ZBTB20: variants seen among roughly 807,000 people sequenced by gnomAD.
ZBTB20 encodes zinc finger and BTB domain containing 20, also known as zinc finger and BTB domain-containing protein 20.
A neutral mutation model predicts 56.9 loss-of-function variants in ZBTB20; 9 were observed. That is an observed-to-expected ratio of 0.16 (90% confidence interval 0.10 to 0.28). ZBTB20 has a LOEUF of 0.28. Among genes scored for constraint, ZBTB20 ranks in the 10% least tolerant of loss-of-function variants. ZBTB20 has a pLI of 1.00. For missense variants in ZBTB20, 655 were observed against 1,003.0 expected (o/e 0.65, Z 4.69); for synonymous variants, 417 against 420.7 (o/e 0.99, Z 0.11).
intron 2 of ZBTB20, among the ~76,000 whole-genome samples, chr3:115,065,590 C>T (rs544019592): frequency 2.0e-5 from 3 of 152,112 alleles, no homozygotes; most frequent in African/African-American, 4.8e-5. Context: ...TGTTCAATCA[C>T]GAAGTTTAAC....
intron 4 of ZBTB20, among the ~76,000 whole-genome samples, chr3:114,885,682 TTAAC>T (rs1169661278): frequency 1.3e-5 from 2 of 152,218 alleles, no homozygotes; most frequent in Admixed American, 1.3e-4. Context: ...ATTTTCACAT[TTAAC>T]TATATTATCA....
At chr3:114,966,759 C>CAT (rs10646908) in intron 3 of ZBTB20, among the ~76,000 whole-genome samples, 19,681 of 151,918 alleles carry the variant, frequency 0.13, 2,846 homozygotes, top group African/African-American at 0.36. Flanking sequence ...CTGTTAAAAA[C>CAT]AAGCCACTCA....
intron 4 of ZBTB20, among the ~76,000 whole-genome samples, chr3:114,893,317 T>C (rs1047953265): frequency 1.3e-5 from 2 of 152,188 alleles, no homozygotes; most frequent in African/African-American, 4.8e-5. Flanking sequence ...CTCCAGCTAA[T>C]CAATTTTTTA....
At chr3:115,136,158 A>T (rs2084647444) in intron 1 of ZBTB20, among the ~76,000 whole-genome samples, 2 of 152,136 alleles carry the variant, frequency 1.3e-5, no homozygotes, top group South Asian at 4.1e-4. Context: ...TGGTAAATGT[A>T]ATTTTATTGG....
At chr3:114,613,627 C>A (rs1250609853) in intron 6 of ZBTB20, among the ~76,000 whole-genome samples, 1 of 152,092 alleles carries the variant, frequency 6.6e-6, no homozygotes, top group Non-Finnish European at 1.5e-5. Context: ...AAAGTAAACT[C>A]AGTACCAAGC....
At chr3:114,716,989 A>G (rs1234117105) in intron 5 of ZBTB20, among the ~76,000 whole-genome samples, 3 of 152,118 alleles carry the variant, frequency 2.0e-5, no homozygotes, top group African/African-American at 7.2e-5. Context: ...ACAAAAGGCT[A>G]CAGGGGAGGT....
intron 2 of ZBTB20, among the ~76,000 whole-genome samples, chr3:115,027,924 T>C (rs1306789416): frequency 6.6e-6 from 1 of 150,840 alleles, no homozygotes; most frequent in Non-Finnish European, 1.5e-5. Context: ...TTTTCAAAAA[T>C]TGATAGATAA....
At chr3:114,417,215 T>G (rs2088654309) in intron 7 of ZBTB20, among the ~76,000 whole-genome samples, 1 of 152,108 alleles carries the variant, frequency 6.6e-6, no homozygotes, top group African/African-American at 2.4e-5. Flanking sequence ...AAGTAAGTAA[T>G]TAGTTCATAA....
chr3:114,729,679 G>A (rs2065580528), intron 5 of ZBTB20, among the ~76,000 whole-genome samples: 1 of 152,058 alleles, frequency 6.6e-6, no homozygotes, highest in South Asian at 2.1e-4. Context: ...TTAAATTTTT[G>A]AATACTAAAG....
chr3:114,647,610 G>A (rs543093116), intron 6 of ZBTB20, among the ~76,000 whole-genome samples: 1 of 152,166 alleles, frequency 6.6e-6, no homozygotes, highest in Admixed American at 6.5e-5. Flanking sequence ...TTTATTATTG[G>A]TGTGATCTTG....
At chr3:114,467,052 A>G (rs1394853520) in intron 7 of ZBTB20, among the ~76,000 whole-genome samples, 1 of 152,222 alleles carries the variant, frequency 6.6e-6, no homozygotes, top group Non-Finnish European at 1.5e-5. Flanking sequence ...GGTTTTAGGC[A>G]AGGGAAACAG....
At chr3:114,495,872 T>C (rs1201677779) in intron 7 of ZBTB20, among the ~76,000 whole-genome samples, 1 of 152,212 alleles carries the variant, frequency 6.6e-6, no homozygotes, top group Non-Finnish European at 1.5e-5. Context: ...TATATGCAAA[T>C]CACTTTATAA....
chr3:114,826,972 T>C (rs1229556560), intron 4 of ZBTB20, among the ~76,000 whole-genome samples: 1 of 151,722 alleles, frequency 6.6e-6, no homozygotes, highest in African/African-American at 2.4e-5. Flanking sequence ...TGTGTCATGC[T>C]GAGCAAGCTA....
chr3:114,839,466 A>AGAAAGAAAG (rs1491368999), intron 4 of ZBTB20, among the ~76,000 whole-genome samples: 2 of 147,366 alleles, frequency 1.4e-5, no homozygotes, highest in Admixed American at 1.3e-4. Context: ...AAAGAAAGAA[A>AGAAAGAAAG]GAGAGAGAGA....
chr3:114,628,605 G>A (rs147931640), intron 6 of ZBTB20, among the ~76,000 whole-genome samples: 9 of 152,168 alleles, frequency 5.9e-5, no homozygotes, highest in Middle Eastern at 3.4e-3. Context: ...TGCCAAGCAG[G>A]ATTTAGGATG....
chr3:114,542,048 A>T (rs77949732), intron 6 of ZBTB20, among the ~76,000 whole-genome samples: 4,190 of 152,312 alleles, frequency 0.028, 151 homozygotes, highest in African/African-American at 0.077. Context: ...TGAAACAATG[A>T]TAATTTAAAA....
At chr3:115,074,477 T>C (rs1344155934) in intron 1 of ZBTB20, among the ~76,000 whole-genome samples, 1 of 152,176 alleles carries the variant, frequency 6.6e-6, no homozygotes, top group African/African-American at 2.4e-5. Flanking sequence ...CTAACTACAC[T>C]GTGCTACTAG....
chr3:114,499,231 C>T (rs745337807), intron 7 of ZBTB20, among the ~76,000 whole-genome samples: 2 of 152,178 alleles, frequency 1.3e-5, no homozygotes, highest in Non-Finnish European at 2.9e-5. Context: ...GCATTACACA[C>T]AGCTCCAGTC....
chr3:114,945,866 AAAG>A (rs1355800381), intron 3 of ZBTB20, among the ~76,000 whole-genome samples: 2 of 145,272 alleles, frequency 1.4e-5, no homozygotes, highest in Non-Finnish European at 3.0e-5. Flanking sequence ...ACACCAACGA[AAAG>A]AAGGCTAATA....
Sources: allele counts gnomAD v4.1 joint callset (sites outside exome capture counted in the v4.1 genomes callset), GRCh38; gene constraint gnomAD v4.1.1; transcripts MANE v1.5; gene names NCBI Gene and HGNC (gene_info 2026-07-23, HGNC 2026-07-21).